NOL4: variants seen among roughly 807,000 people sequenced by gnomAD.
NOL4 encodes cancer/testis antigen 125.
In NOL4, 17 loss-of-function variants were observed where a neutral mutation model predicts 75.9. The observed-to-expected ratio is 0.22, with a 90% CI of 0.15 to 0.34. NOL4 has a LOEUF of 0.34. Ranked by LOEUF, NOL4 falls within the 10% of genes least tolerant of loss-of-function variation. NOL4 has a pLI of 1.00. For missense variants in NOL4, 614 were observed against 793.5 expected, an observed-to-expected ratio of 0.77 and a Z score of 2.72; for synonymous variants, 292 against 289.9, an observed-to-expected ratio of 1.01 and a Z score of -0.07.
At chr18:33,991,561 T>C (rs2072919093) in intron 6 of NOL4, among the ~76,000 whole-genome samples, 1 of 151,942 alleles carries the variant, frequency 6.6e-6, no homozygotes, top group Non-Finnish European at 1.5e-5. Flanking sequence ...TGTTGGTGAG[T>C]GCTATTCTAT....
At chr18:34,013,826 C>T (rs542283523) in intron 6 of NOL4, among the ~76,000 whole-genome samples, 24 of 151,832 alleles carry the variant, frequency 1.6e-4, no homozygotes, top group African/African-American at 4.3e-4. Context: ...TAACTTTGTC[C>T]GTCTAGCACT....
intron 1 of NOL4, 115 bp downstream of exon 1, chr18:34,222,875 G>A (rs2037421796): frequency 2.9e-6 from 4 of 1,388,818 alleles, no homozygotes; most frequent in Admixed American, 1.9e-5. Flanking sequence ...AGGAAGGTAG[G>A]GGGCACACGA....
intron 5 of NOL4, among the ~76,000 whole-genome samples, chr18:34,035,511 T>C (rs2075848410): frequency 6.6e-6 from 1 of 151,952 alleles, no homozygotes; most frequent in Admixed American, 6.6e-5. Flanking sequence ...ATTTAAAAAG[T>C]AGAAAGATTT....
intron 1 of NOL4, chr18:34,221,481 G>T (rs2037295544): frequency 6.6e-6 from 1 of 151,672 alleles, no homozygotes; most frequent in Non-Finnish European, 1.5e-5. Context: ...TGCCAATCTA[G>T]TCCTCATTAT....
chr18:34,217,110 T>C (rs2036945632), intron 1 of NOL4, among the ~76,000 whole-genome samples: 1 of 152,146 alleles, frequency 6.6e-6, no homozygotes, highest in Non-Finnish European at 1.5e-5. Context: ...ACATTTGGTA[T>C]GACTTTTTCT....
intron 6 of NOL4, among the ~76,000 whole-genome samples, chr18:33,966,876 A>C (rs2070646888): frequency 1.3e-5 from 2 of 152,332 alleles, no homozygotes; most frequent in South Asian, 4.1e-4. Context: ...GATTGGAAGA[A>C]TCAATCTCAT....
In NOL4 at chr18:33,992,376, G is replaced by A. The variant is rs2072983910; in HGVS notation, c.1056+26942C>T. Among the ~76,000 whole-genome samples the A allele has an allele frequency of 2.6e-5, 4 of 152,086 alleles. No homozygotes were observed. The Middle Eastern group carries it at 0.01, about 388-fold the overall frequency. On this transcript the variant is annotated intron_variant, in intron 6 of 10. Transcript: ENST00000261592. ...CAGATCAACACTGTTATGACAGCAT[G>A]AAGAGCTCTGTAGACCCATACCTCA... is the stretch of plus-strand genomic sequence containing the variant.
chr18:34,042,867 T>C (rs745723581), intron 5 of NOL4, among the ~76,000 whole-genome samples: 4 of 152,078 alleles, frequency 2.6e-5, no homozygotes, highest in Admixed American at 1.3e-4. Flanking sequence ...ACTTGGGAAA[T>C]AGGTCGAATC....
chr18:33,920,442 T>A (rs1330209822), intron 9 of NOL4, among the ~76,000 whole-genome samples: 1 of 152,210 alleles, frequency 6.6e-6, no homozygotes, highest in Non-Finnish European at 1.5e-5. Context: ...AAATTCTTAT[T>A]AGGTATAGCT....
At chr18:34,074,551 T>C (rs1209937654) in intron 5 of NOL4, among the ~76,000 whole-genome samples, 6 of 152,010 alleles carry the variant, frequency 3.9e-5, no homozygotes, top group Non-Finnish European at 8.8e-5. Context: ...ATAAGCAATA[T>C]ATCACAAATC....
intron 5 of NOL4, among the ~76,000 whole-genome samples, chr18:34,059,116 G>GATATAC (rs1568287126): frequency 1.2e-5 from 1 of 80,936 alleles, no homozygotes; most frequent in African/African-American, 4.3e-5. Flanking sequence ...GAGATAGATA[G>GATATAC]ATATACATAT....
chr18:33,922,263 A>T (rs2067085958), intron 9 of NOL4, among the ~76,000 whole-genome samples: 1 of 152,188 alleles, frequency 6.6e-6, no homozygotes, highest in South Asian at 2.1e-4. Flanking sequence ...TAACAGTTTC[A>T]AGAGATTCAT....
chr18:34,074,498 TGTCA>T (rs1352365057), intron 5 of NOL4, among the ~76,000 whole-genome samples: 2 of 151,932 alleles, frequency 1.3e-5, no homozygotes, highest in East Asian at 3.9e-4. Flanking sequence ...CACTTTGAAT[TGTCA>T]GTTTTTATAG....
At chr18:34,124,647 G>T (rs1314681119) in intron 2 of NOL4, among the ~76,000 whole-genome samples, 1 of 152,138 alleles carries the variant, frequency 6.6e-6, no homozygotes, top group Non-Finnish European at 1.5e-5. Context: ...GCTCATGCTT[G>T]TAATCCCAGC....
rs2077936632 is a variant in NOL4 at position 34,080,143 on chromosome 18, CTG to C, written c.772+13320_772+13321del. Reference sequence around the variant, plus strand: ...TACATGTTCTTGTGCCTTTTGTCACCTGTGATGTGTCATTCATCCTCTGGATC... The same window carrying C: ...TACATGTTCTTGTGCCTTTTGTCACCTGATGTGTCATTCATCCTCTGGATC... On this transcript the variant is annotated intron_variant, in intron 5 of 10. Transcript: ENST00000261592. Among the ~76,000 whole-genome samples, 2 of 152,208 alleles carry C rather than the reference CTG, an allele frequency of 1.3e-5. 1 individual carries two copies. The highest frequency in any genetic ancestry group is 1.3e-4 in the Admixed American group (2 of 15,276).
At chr18:33,965,072 T>C (rs1263338770) in intron 6 of NOL4, among the ~76,000 whole-genome samples, 1 of 152,146 alleles carries the variant, frequency 6.6e-6, no homozygotes, top group Non-Finnish European at 1.5e-5. Context: ...TTAATTTTTG[T>C]TAGATGTAAT....
At chr18:33,917,824 A>G (rs2066815834) in intron 9 of NOL4, among the ~76,000 whole-genome samples, 1 of 152,168 alleles carries the variant, frequency 6.6e-6, no homozygotes. Flanking sequence ...TTTTTAAATA[A>G]GAACCTTGTT....
intron 1 of NOL4, chr18:34,221,234 C>T (rs111444662): frequency 4.5e-4 from 68 of 152,244 alleles, no homozygotes; most frequent in African/African-American, 1.6e-3. Context: ...TTCTTTAAAA[C>T]ATACATGATA....
intron 5 of NOL4, among the ~76,000 whole-genome samples, chr18:34,067,875 G>T (rs894980494): frequency 6.6e-6 from 1 of 151,934 alleles, no homozygotes; most frequent in Non-Finnish European, 1.5e-5. Context: ...TGGTTTGGGG[G>T]GTGGGTCTGG....
Sources: gnomAD v4.1 joint callset for allele counts (sites outside exome capture counted in the v4.1 genomes callset) on GRCh38, gnomAD v4.1.1 for gene constraint, MANE v1.5 for transcripts, NCBI Gene and HGNC (gene_info 2026-07-23, HGNC 2026-07-21) for gene names.